FERMT2: variants seen among roughly 807,000 people sequenced by gnomAD.
FERMT2 encodes fermitin family homolog 2.
In FERMT2, 15 loss-of-function variants were observed where a neutral mutation model predicts 82.7. The ratio of observed to expected loss-of-function variants is 0.18; its 90% CI spans 0.12 to 0.28. The LOEUF (loss-of-function observed/expected upper bound fraction) is 0.28. Ranked by LOEUF, FERMT2 falls within the 10% of genes least tolerant of loss-of-function variation. The pLI is 1.00. For synonymous variants in FERMT2, 274 were observed against 271.5 expected, an observed-to-expected ratio of 1.01 and a Z score of -0.09; for missense variants, 645 against 809.4, an observed-to-expected ratio of 0.80 and a Z score of 2.46.
chr14:52,904,157 G>A (rs1483970253), intron 3 of FERMT2, among the ~76,000 whole-genome samples: 1 of 152,086 alleles, frequency 6.6e-6, no homozygotes, highest in Non-Finnish European at 1.5e-5. Flanking sequence ...GAGGTGGGTG[G>A]ATCACCTGCG....
intron 13 of FERMT2, 64 bp downstream of exon 13, chr14:52,860,277 A>C: frequency 3.4e-6 from 5 of 1,467,584 alleles, no homozygotes; most frequent in Non-Finnish European, 4.7e-6. Flanking sequence ...ATATCTAATT[A>C]CATGAGGTAG....
At chr14:52,907,411 AAGG>A (rs962369452) in intron 3 of FERMT2, among the ~76,000 whole-genome samples, 1 of 152,228 alleles carries the variant, frequency 6.6e-6, no homozygotes, top group Non-Finnish European at 1.5e-5. Context: ...GTAGAAGAAA[AAGG>A]AGACTACATG....
chr14:52,859,303 AGCT>A, intron 14 of FERMT2: 1 of 311,492 alleles, frequency 3.2e-6, no homozygotes, highest in Non-Finnish European at 5.9e-6. Flanking sequence ...AACAAACAGT[AGCT>A]GCTATTTCAG....
intron 3 of FERMT2, among the ~76,000 whole-genome samples, chr14:52,911,022 A>G (rs1190353658): frequency 6.6e-6 from 1 of 152,228 alleles, no homozygotes; most frequent in Non-Finnish European, 1.5e-5. Flanking sequence ...GAAGAGTTAT[A>G]TACTGTCACT....
intron 4 of FERMT2, chr14:52,881,859 G>A (rs1168504611): frequency 2.6e-6 from 3 of 1,136,378 alleles, no homozygotes; most frequent in South Asian, 1.3e-5. Flanking sequence ...GAATTCAGAA[G>A]GTAAAGGAAA....
rs1886119152 is a variant in FERMT2 at position 52,878,743 on chromosome 14, T to A, written c.856-54A>T. Reference sequence around the variant, plus strand: ...ATATATAACCTTTACCATTGAAAAATTTCAAACTCTGAATATTCAATTGAC... The same window carrying A: ...ATATATAACCTTTACCATTGAAAAAATTCAAACTCTGAATATTCAATTGAC... On this transcript the variant is annotated intron_variant, in intron 6 of 14. Coordinates refer to ENST00000341590, the MANE Select transcript of FERMT2 (RefSeq NM_006832.3). The A allele has an allele frequency of 3.3e-6, 3 of 908,524 alleles. 1 individual carries two copies. In the South Asian group the frequency reaches 6.2e-5, roughly 19 times the overall value. The allele number at this position is 908,524 out of a possible 1,614,324, so 56.3% of individuals were successfully genotyped here.
At chr14:52,902,048 AG>A (rs1887683592) in intron 3 of FERMT2, among the ~76,000 whole-genome samples, 2 of 151,628 alleles carry the variant, frequency 1.3e-5, no homozygotes, top group Admixed American at 1.3e-4. Flanking sequence ...CTTAATGAAG[AG>A]GCTGAGAAAA....
chr14:52,899,347 A>G (rs1405561358), intron 3 of FERMT2, among the ~76,000 whole-genome samples: 2 of 152,260 alleles, frequency 1.3e-5, no homozygotes, highest in Middle Eastern at 3.4e-3. Context: ...CAGTGCCACA[A>G]TCTCAGCTCA....
intron 3 of FERMT2, among the ~76,000 whole-genome samples, chr14:52,898,900 C>T (rs1887456588): frequency 6.6e-6 from 1 of 152,170 alleles, no homozygotes; most frequent in Admixed American, 6.5e-5. Context: ...TAGTGGGAGA[C>T]AGTAAGGCAA....
At chr14:52,946,617 C>T (rs1222317835) in intron 2 of FERMT2, among the ~76,000 whole-genome samples, 1 of 152,194 alleles carries the variant, frequency 6.6e-6, no homozygotes. Flanking sequence ...CACACACTCA[C>T]TCCAGCCTGG....
chr14:52,877,623 T>G (rs1594940455), intron 7 of FERMT2, among the ~76,000 whole-genome samples: 1 of 148,280 alleles, frequency 6.7e-6, no homozygotes, highest in South Asian at 2.2e-4. Flanking sequence ...CCATTCTTGC[T>G]TTCTAATGTC....
intron 3 of FERMT2, among the ~76,000 whole-genome samples, chr14:52,904,734 T>C (rs935146093): frequency 7.2e-6 from 1 of 138,162 alleles, no homozygotes; most frequent in Non-Finnish European, 1.6e-5. Context: ...CTGGGAAATA[T>C]GATGAGACCT....
chr14:52,885,323 A>AG (rs1381894702), intron 4 of FERMT2, among the ~76,000 whole-genome samples: 9 of 151,160 alleles, frequency 6.0e-5, no homozygotes, highest in Non-Finnish European at 1.2e-4. Flanking sequence ...AAAAAAAAAA[A>AG]AAAAAAAAAA....
chr14:52,881,742 T>C (rs1486027814), intron 4 of FERMT2: 13 of 1,330,864 alleles, frequency 9.8e-6, no homozygotes, highest in East Asian at 4.1e-5. Context: ...AATAAGGATA[T>C]AGCTGAAGCA....
chr14:52,902,043 T>C (rs915734113), intron 3 of FERMT2, among the ~76,000 whole-genome samples: 1 of 152,132 alleles, frequency 6.6e-6, no homozygotes, highest in Non-Finnish European at 1.5e-5. Flanking sequence ...ACGTGCTTAA[T>C]GAAGAGGCTG....
chr14:52,894,996 A>G (rs1488070844), intron 3 of FERMT2, among the ~76,000 whole-genome samples: 1 of 152,194 alleles, frequency 6.6e-6, no homozygotes, highest in Non-Finnish European at 1.5e-5. Context: ...CATATCTGAC[A>G]AAAGTCTTGT....
At chr14:52,868,341 T>C (rs73300800) in intron 10 of FERMT2, among the ~76,000 whole-genome samples, 3,792 of 152,164 alleles carry the variant, frequency 0.025, 157 homozygotes, top group African/African-American at 0.087. Flanking sequence ...CCACTGTGCT[T>C]GGCTCTCCAT....
At chr14:52,890,074 T>C (rs1886848916) in intron 4 of FERMT2, among the ~76,000 whole-genome samples, 1 of 149,190 alleles carries the variant, frequency 6.7e-6, no homozygotes, top group African/African-American at 2.5e-5. Flanking sequence ...GAGCCAAGAT[T>C]GCTCCACTGC....
chr14:52,924,138 C>T (rs757325846), intron 2 of FERMT2, among the ~76,000 whole-genome samples: 3 of 152,118 alleles, frequency 2.0e-5, no homozygotes, highest in African/African-American at 4.8e-5. Context: ...TGTTCTAGTG[C>T]TAGAGATATG....
Sources: allele counts gnomAD v4.1 joint callset (sites outside exome capture counted in the v4.1 genomes callset), GRCh38; gene constraint gnomAD v4.1.1; transcripts MANE v1.5; gene names NCBI Gene and HGNC (gene_info 2026-07-23, HGNC 2026-07-21).